The following CRHR2 variants were observed in gnomAD, a reference collection of about 807,000 sequenced individuals.
CRHR2 encodes corticotropin releasing hormone receptor 2.
In CRHR2, 53 loss-of-function variants were observed where a neutral mutation model predicts 57.9. The ratio of observed to expected loss-of-function variants is 0.92; its 90% CI spans 0.73 to 1.15. The LOEUF (loss-of-function observed/expected upper bound fraction) is 1.15. Among genes scored for constraint, CRHR2 ranks in the 50% most tolerant of loss-of-function variants. The pLI, the probability that CRHR2 is intolerant of heterozygous loss-of-function variation, is 0.00. For missense variants in CRHR2, 532 were observed against 542.6 expected, an observed-to-expected ratio of 0.98 and a Z score of 0.19; for synonymous variants, 213 against 220.9, an observed-to-expected ratio of 0.96 and a Z score of 0.32.
upstream of CRHR2, among the ~76,000 whole-genome samples, chr7:30,683,720 C>T (rs41413147): frequency 0.072 from 10,941 of 152,220 alleles, 1,037 homozygotes; most frequent in African/African-American, 0.22. Context: ...AGTTATGAGA[C>T]GGAGAGTCTG....
intron 1 of CRHR2, among the ~76,000 whole-genome samples, chr7:30,695,203 A>G (rs114873968): frequency 0.019 from 2,865 of 152,048 alleles, 51 homozygotes; most frequent in East Asian, 0.07. Context: ...GAAGTGGGTC[A>G]TTGTTTTCTG....
chr7:30,675,284 C>T (rs1562803328), intron 2 of CRHR2, among the ~76,000 whole-genome samples: 1 of 152,346 alleles, frequency 6.6e-6, no homozygotes, highest in Admixed American at 6.5e-5. Flanking sequence ...GCTCCTCCTT[C>T]AGCCCGTCTT....
chr7:30,696,082 T>C (rs2128152105), intron 1 of CRHR2, among the ~76,000 whole-genome samples: 1 of 152,272 alleles, frequency 6.6e-6, no homozygotes, highest in East Asian at 1.9e-4. Flanking sequence ...CACTTACTTG[T>C]GGGATTTAAA....
chr7:30,662,771 C>T lies in CRHR2; in HGVS notation c.620G>A (p.Cys207Tyr). ...CATGACAATGGCCGTGTGCAGGTAGCAGCCTTCCACAAACATCCAGAAGAA... is the reference window on the plus strand; with the variant it reads ...CATGACAATGGCCGTGTGCAGGTAGTAGCCTTCCACAAACATCCAGAAGAA... ...TNFFWMFVEG[C>Y]YLHTAIVMTY... The change falls in exon 6 of 12, where the codon TGC becomes TAC. Residue 207 changes from cysteine to tyrosine, a missense_variant. Cys to Tyr is a radical substitution (Grantham distance 194, BLOSUM62 -2). Transcript: ENST00000471646. 4 of 1,614,214 alleles carry T rather than the reference C, an allele frequency of 2.5e-6. No individual in the cohort carries two copies. The highest frequency in any genetic ancestry group is 3.4e-6 in the Non-Finnish European group (4 of 1,180,038).
chr7:30,693,591 A>C (rs558577876), intron 1 of CRHR2, among the ~76,000 whole-genome samples: 1 of 152,376 alleles, frequency 6.6e-6, no homozygotes, highest in South Asian at 2.1e-4. Flanking sequence ...TGAGTTTTGC[A>C]AAATGTTATA....
At chr7:30,660,517 GC>G in intron 8 of CRHR2, 55 bp downstream of exon 8, 2 of 1,517,802 alleles carry the variant, frequency 1.3e-6, no homozygotes, top group East Asian at 2.5e-5. Flanking sequence ...GCCTGGGTGG[GC>G]CCTCTTCTGT....
At chr7:30,670,135 A>G (rs1168278778) in intron 2 of CRHR2, among the ~76,000 whole-genome samples, 1 of 152,118 alleles carries the variant, frequency 6.6e-6, no homozygotes, top group Non-Finnish European at 1.5e-5. Flanking sequence ...GTACACACAC[A>G]CACACACAAA....
chr7:30,660,755 G>T lies in CRHR2; in HGVS notation c.759-110C>A. On this transcript the variant is annotated intron_variant, in intron 7 of 11. Coordinates refer to ENST00000471646, the MANE Select transcript of CRHR2 (RefSeq NM_001883.5). ...TACCCTTCCTGAGACCCAATCTCCA[G>T]GACTGCCCCTTCCCAGAAAGCCTTG... is the stretch of plus-strand genomic sequence containing the variant. 2.0e-6 allele frequency: 2 copies of T among 997,274 alleles called. 1 individual carries two copies. Among genetic ancestry groups the T allele is most frequent in the East Asian group, 5.3e-5 (2 of 38,086 alleles). The allele number at this position is 997,274 out of a possible 1,614,324, so 61.8% of individuals were successfully genotyped here.
chr7:30,664,656 G>C (rs1019351453), intron 5 of CRHR2, among the ~76,000 whole-genome samples: 2 of 152,104 alleles, frequency 1.3e-5, no homozygotes, highest in Non-Finnish European at 2.9e-5. Context: ...ACAATGGCTA[G>C]GGTGGAGGTG....
rs1269263295 is a variant in CRHR2, at chr7:30,665,568, T to C, written c.387A>G (p.Ala129=). Residue 129 remains alanine (A), a synonymous_variant, in exon 4 of 12, where the codon GCA becomes GCG. Transcript: ENST00000471646. The surrounding 1 kb of genome is among the most constrained non-coding windows in gnomAD (Gnocchi z 4.5). ...AAAGCAGGAAGGCGGCCACCAGGGCTGCCACAGATACGCAGTGGCCCAGGT... is the reference window on the plus strand; with the variant it reads ...AAAGCAGGAAGGCGGCCACCAGGGCCGCCACAGATACGCAGTGGCCCAGGT... ...VNYLGHCVSV[A]ALVAAFLLFL... is the part of the protein sequence containing the mutation. The C allele has an allele frequency of 6.4e-7, 1 of 1,564,666 alleles. No individual in the cohort carries two copies. Among genetic ancestry groups the C allele is most frequent in the Non-Finnish European group, 8.7e-7 (1 of 1,153,578 alleles).
chr7:30,654,886 GAGA>G (rs1183673041), intron 11 of CRHR2, 150 bp downstream of exon 11: 3 of 1,550,748 alleles, frequency 1.9e-6, no homozygotes, highest in Middle Eastern at 1.7e-4. Context: ...CAGCCCCTGT[GAGA>G]AGGATTCCTG....
At chr7:30,687,809 C>A (rs1562810144) in intron 2 of CRHR2, among the ~76,000 whole-genome samples, 1 of 152,146 alleles carries the variant, frequency 6.6e-6, no homozygotes, top group African/African-American at 2.4e-5. Context: ...GCTGACAAAC[C>A]CACGCTGCCT....
chr7:30,665,405 CCA>C lies in CRHR2; in HGVS notation c.425+123_425+124del. ...CATGCCCTGGCACCCCACCCAAACC[CCA>C]CTTTCTCCACGGGCCCTTTTATCTG... On this transcript the variant is annotated intron_variant, in intron 4 of 11. Transcript: ENST00000471646. The surrounding 1 kb of genome is among the most constrained non-coding windows in gnomAD (Gnocchi z 4.5). 1.1e-6 allele frequency: 1 copy of C among 937,392 alleles called. No individual in the cohort carries two copies. The highest frequency in any genetic ancestry group is 1.6e-5 in the South Asian group (1 of 61,628). 58.1% of individuals were successfully genotyped at this position (937,392 alleles called of 1,614,324 possible). A position where few individuals can be genotyped will look rare whatever the true frequency, so the allele number is the denominator to read the frequency against.
Position 30,656,073 on chromosome 7 carries a change from C to A in CRHR2, c.832-61G>T. On this transcript the variant is annotated intron_variant, in intron 8 of 11. Transcript: ENST00000471646. This position sits in a 1 kb window ranked among gnomAD's most constrained non-coding sequence, Gnocchi z 4.4. The stretch of plus-strand genomic sequence containing the variant: ...GAAGGAGCACGTGTTTGAGATGAGC[C>A]GAGAGGCAGCCCCCTTCCCCGCAGA... The A allele has an allele frequency of 6.6e-7, 1 of 1,504,418 alleles. No homozygotes were observed. The highest frequency in any genetic ancestry group is 1.1e-5 in the South Asian group (1 of 88,412). 93.2% of individuals were successfully genotyped at this position (1,504,418 alleles called of 1,614,324 possible).
chr7:30,667,121 A>G (rs1562799213), intron 3 of CRHR2, 107 bp downstream of exon 3: 1 of 938,216 alleles, frequency 1.1e-6, no homozygotes, highest in Non-Finnish European at 1.7e-6. Flanking sequence ...GAAGGGAGTG[A>G]CTGGGTGACA....
intron 2 of CRHR2, among the ~76,000 whole-genome samples, chr7:30,668,242 A>G (rs188903315): frequency 1.3e-5 from 2 of 152,264 alleles, no homozygotes; most frequent in East Asian, 3.9e-4. Flanking sequence ...CCAACTGTCA[A>G]GGTCTGGCTC....
At chr7:30,661,557 T>G (rs1784001361) in intron 7 of CRHR2, among the ~76,000 whole-genome samples, 1 of 152,140 alleles carries the variant, frequency 6.6e-6, no homozygotes, top group Non-Finnish European at 1.5e-5. Flanking sequence ...ACAGACCCCT[T>G]GGAGATTTGC....
Position 30,665,130 on chromosome 7 carries a change from C to G in CRHR2, c.483G>C (p.Leu161=), listed in dbSNP as rs1207072261. 2.5e-6 allele frequency: 4 copies of G among 1,614,114 alleles called. No individual in the cohort carries two copies. The South Asian group carries it at 4.4e-5, about 18-fold the overall frequency. ...IHWNLITTFI[L]RNVMWFLLQL... is the part of the protein sequence containing the mutation. ...GCAGCAGGAACCACATGACATTTCGCAGGATAAAGGTGGTGATGAGGTTCC... is the reference window on the plus strand; with the variant it reads ...GCAGCAGGAACCACATGACATTTCGGAGGATAAAGGTGGTGATGAGGTTCC... The change falls in exon 5 of 12, where the codon CTG becomes CTC. Residue 161 remains leucine (L), a synonymous_variant. Transcript: ENST00000471646. The surrounding 1 kb of genome is among the most constrained non-coding windows in gnomAD (Gnocchi z 4.5).
chr7:30,677,311 G>C (rs987775305), intron 2 of CRHR2, among the ~76,000 whole-genome samples: 1 of 152,086 alleles, frequency 6.6e-6, no homozygotes, highest in African/African-American at 2.4e-5. Context: ...CAATGAGAGA[G>C]ACACAGAGAC....
Sources: gnomAD v4.1 joint callset for allele counts (sites outside exome capture counted in the v4.1 genomes callset) on GRCh38, gnomAD v4.1.1 for gene constraint, Gnocchi (gnomAD v3.1) non-coding constraint, MANE v1.5 for transcripts, NCBI Gene and HGNC (gene_info 2026-07-23, HGNC 2026-07-21) for gene names.